TFCP2L1: variants seen among roughly 807,000 people sequenced by gnomAD.
TFCP2L1 encodes transcription factor CP2-like protein 1.
A neutral mutation model predicts 72.2 loss-of-function variants in TFCP2L1; 12 were observed. The ratio of observed to expected loss-of-function variants is 0.17; its 90% CI spans 0.11 to 0.27. TFCP2L1 has a LOEUF of 0.27. Ranked by LOEUF, TFCP2L1 falls within the 10% of genes least tolerant of loss-of-function variation. TFCP2L1 has a pLI of 1.00. For missense variants in TFCP2L1, 488 were observed against 624.6 expected, an observed-to-expected ratio of 0.78 and a Z score of 2.33; for synonymous variants, 260 against 251.0, an observed-to-expected ratio of 1.04 and a Z score of -0.34.
rs549839643 is a variant in TFCP2L1, at chr2:121,266,373, C to T, written c.214+14747G>A. Among the ~76,000 whole-genome samples, 10 of 152,160 alleles carry T rather than the reference C, an allele frequency of 6.6e-5. No homozygotes were observed. The South Asian group carries it at 1.9e-3, about 28-fold the overall frequency. On this transcript the variant is annotated intron_variant, in intron 2 of 14. Coordinates refer to ENST00000263707, the MANE Select transcript of TFCP2L1 (RefSeq NM_014553.3). ...CTGAGACCCTATGATGTACCTGGCC[C>T]GTTAATGTGATTTTTCCATAATGTA...
intron 12 of TFCP2L1, among the ~76,000 whole-genome samples, chr2:121,233,482 G>C (rs1686185002): frequency 6.6e-6 from 1 of 152,186 alleles, no homozygotes; most frequent in African/African-American, 2.4e-5. Context: ...TCAATATTTA[G>C]AGATTTGGTC....
rs1685852799 is a variant in TFCP2L1 at position 121,217,280 on chromosome 2, C to A, written c.*7061G>T. On this transcript the variant is annotated 3_prime_UTR_variant, in exon 15 of 15. Coordinates refer to ENST00000263707, the MANE Select transcript of TFCP2L1 (RefSeq NM_014553.3). ...TGACCAAATGCGCAGAACACAAAGCCTAGCCTGTTAGCCCCAGCTGCTATC... is the reference window on the plus strand; with the variant it reads ...TGACCAAATGCGCAGAACACAAAGCATAGCCTGTTAGCCCCAGCTGCTATC... The A allele has an allele frequency of 6.6e-6, 1 of 152,368 alleles. No homozygotes were observed. The allele number at this position is 152,368 out of a possible 1,614,324, so 9.4% of individuals were successfully genotyped here.
chr2:121,242,316 G>T, intron 7 of TFCP2L1, 43 bp downstream of exon 7: 1 of 1,557,636 alleles, frequency 6.4e-7, no homozygotes, highest in Admixed American at 1.7e-5. Context: ...TGCTCCTGGT[G>T]GAAGACCCTT....
chr2:121,249,417 C>T lies in TFCP2L1; in HGVS notation c.291+154G>A, dbSNP rs1686558687. Among the ~76,000 whole-genome samples the T allele has an allele frequency of 3.3e-5, 5 of 152,188 alleles. No individual in the cohort carries two copies. The South Asian group carries it at 1.0e-3, about 31-fold the overall frequency. ...CCTGGGCAACAGGCTCCAGAGAAGCCAAACAGGGGCTGCGTCTCACCGTTG... is the reference window on the plus strand; with the variant it reads ...CCTGGGCAACAGGCTCCAGAGAAGCTAAACAGGGGCTGCGTCTCACCGTTG... On this transcript the variant is annotated intron_variant, in intron 3 of 14. Transcript: ENST00000263707.
chr2:121,283,985 C>T (rs746569750), intron 1 of TFCP2L1, among the ~76,000 whole-genome samples: 3 of 152,194 alleles, frequency 2.0e-5, no homozygotes, highest in Non-Finnish European at 2.9e-5. Context: ...CAGATACATC[C>T]ACTAAACCCA....
intron 2 of TFCP2L1, among the ~76,000 whole-genome samples, chr2:121,251,335 T>C (rs1281646545): frequency 1.3e-5 from 2 of 152,174 alleles, no homozygotes; most frequent in Non-Finnish European, 2.9e-5. Flanking sequence ...GATGGAACCA[T>C]GGTACATTAT....
chr2:121,275,020 C>G (rs1398662055), intron 2 of TFCP2L1, among the ~76,000 whole-genome samples: 1 of 151,664 alleles, frequency 6.6e-6, no homozygotes, highest in African/African-American at 2.4e-5. Context: ...GACACTAAAA[C>G]AATTACACTG....
Position 121,246,970 on chromosome 2 carries a change from C to T in TFCP2L1, c.505G>A (p.Val169Ile), listed in dbSNP as rs775901228. The T allele has an allele frequency of 7.4e-6, 12 of 1,614,082 alleles. No individual in the cohort carries two copies. In the South Asian group the frequency reaches 9.9e-5, roughly 13 times the overall value. The part of the protein sequence containing the change: ...PAKRASAFIQ[V>I]HCISTEFTPR... Reference sequence around the variant, plus strand: ...GTGAATTCTGTGCTGATGCAGTGTACCTGGGAGGAGAAACGTTGGGCAGGT... The same window carrying T: ...GTGAATTCTGTGCTGATGCAGTGTATCTGGGAGGAGAAACGTTGGGCAGGT... The change falls in exon 6 of 15, where the codon GTA becomes ATA. Residue 169 changes from valine (V) to isoleucine (I), a missense_variant and splice_region_variant. Physicochemically the swap from Val to Ile is conservative, Grantham distance 29. Around this residue, in one of 3 missense-constraint regions of TFCP2L1, gnomAD observed 129 missense variants for 236.0 expected, o/e 0.55. Coordinates refer to ENST00000263707, the MANE Select transcript of TFCP2L1 (RefSeq NM_014553.3).
intron 3 of TFCP2L1, 35 bp from the exon 4 acceptor site, chr2:121,249,122 G>T (rs369034612): frequency 1.4e-6 from 2 of 1,475,076 alleles, no homozygotes; most frequent in Admixed American, 4.6e-5. Flanking sequence ...ACAAGTGACC[G>T]CGGGGGGCCA....
At chr2:121,244,082 C>G (rs954241159) in intron 6 of TFCP2L1, among the ~76,000 whole-genome samples, 1 of 152,120 alleles carries the variant, frequency 6.6e-6, no homozygotes, top group Admixed American at 6.5e-5. Flanking sequence ...CATACCCCCA[C>G]GACCTGGCTT....
At chr2:121,230,328 T>G (rs1686115641) in intron 13 of TFCP2L1, among the ~76,000 whole-genome samples, 1 of 152,114 alleles carries the variant, frequency 6.6e-6, no homozygotes, top group South Asian at 2.1e-4. Context: ...TGCACCACCA[T>G]GCCCGGCTAA....
At chr2:121,242,083 CAAAAAAAAAAA>C (rs541937558) in intron 7 of TFCP2L1, among the ~76,000 whole-genome samples, 5 of 65,486 alleles carry the variant, frequency 7.6e-5, no homozygotes, top group Non-Finnish European at 9.4e-5. Flanking sequence ...ATTACCTACT[CAAAAAAAAAAA>C]AAAAAAAAAA....
intron 2 of TFCP2L1, among the ~76,000 whole-genome samples, chr2:121,251,350 A>G (rs2104709761): frequency 6.6e-6 from 1 of 151,958 alleles, no homozygotes; most frequent in East Asian, 1.9e-4. Flanking sequence ...CATTATCAAA[A>G]CTACAGACCT....
intron 2 of TFCP2L1, among the ~76,000 whole-genome samples, chr2:121,250,509 T>C (rs1686586193): frequency 1.3e-5 from 2 of 152,014 alleles, no homozygotes; most frequent in Non-Finnish European, 2.9e-5. Context: ...AATTAAATAC[T>C]GAACTACAAT....
chr2:121,284,540 C>A (rs1687326867), intron 1 of TFCP2L1, among the ~76,000 whole-genome samples: 1 of 152,214 alleles, frequency 6.6e-6, no homozygotes, highest in South Asian at 2.1e-4. Context: ...AGTGGGGCGG[C>A]CTGCCCCTCC....
intron 10 of TFCP2L1, 86 bp downstream of exon 10, chr2:121,237,537 T>C (rs186151401): frequency 7.0e-7 from 1 of 1,438,550 alleles, no homozygotes; most frequent in East Asian, 2.3e-5. Context: ...GCGCTGCCAG[T>C]GTTGACAGCA....
intron 2 of TFCP2L1, among the ~76,000 whole-genome samples, chr2:121,266,989 G>A (rs376263076): frequency 1.5e-4 from 23 of 151,300 alleles, no homozygotes; most frequent in African/African-American, 4.9e-4. Context: ...CTTTGCTCAC[G>A]GCAATCTCTG....
intron 13 of TFCP2L1, among the ~76,000 whole-genome samples, chr2:121,228,556 T>TC (rs1375994726): frequency 2.6e-5 from 4 of 151,148 alleles, no homozygotes; most frequent in African/African-American, 7.3e-5. Flanking sequence ...GCCCAGGAGT[T>TC]CAAGACCAGC....
rs552173730 is a variant in TFCP2L1 at position 121,279,701 on chromosome 2, G to A, written c.214+1419C>T. ...TCTCCAAATTGAGGAATCAAAGTTCGCGGAGAGGAAGCTACACATGTAAGA... is the reference window on the plus strand; with the variant it reads ...TCTCCAAATTGAGGAATCAAAGTTCACGGAGAGGAAGCTACACATGTAAGA... On this transcript the variant is annotated intron_variant, in intron 2 of 14. Transcript: ENST00000263707. 4.7e-4 allele frequency among the ~76,000 whole-genome samples: 71 copies of A among 152,316 alleles called. 2 individuals are homozygous for A. The highest frequency in any genetic ancestry group is 1.2e-3 in the South Asian group (6 of 4,828).
Sources: gnomAD v4.1 joint callset for allele counts (sites outside exome capture counted in the v4.1 genomes callset) on GRCh38, gnomAD v4.1.1 for gene constraint, gnomAD v4.1.1 regional missense constraint, MANE v1.5 for transcripts, NCBI Gene and HGNC (gene_info 2026-07-23, HGNC 2026-07-21) for gene names.